Variants in DOCK5 observed in about 807,000 individuals in gnomAD.
DOCK5 encodes dedicator of cytokinesis protein 5.
A neutral mutation model predicts 251.8 loss-of-function variants in DOCK5; 142 were observed. That is an observed-to-expected ratio of 0.56 (90% CI 0.49 to 0.65). DOCK5 has a LOEUF of 0.65. DOCK5 is among the 30% of genes least tolerant of loss of function. DOCK5 has a pLI of 0.00. For missense variants in DOCK5, 2,111 were observed against 2,312.3 expected (o/e 0.91, Z 1.79); for synonymous variants, 842 against 835.5 (o/e 1.01, Z -0.13).
Position 25,357,983 on chromosome 8 carries a change from TA to T in DOCK5, c.2851-978del, listed in dbSNP as rs148457422. 7.9e-3 allele frequency among the ~76,000 whole-genome samples: 1,205 copies of T among 152,264 alleles called. 10 individuals are homozygous for T. The highest frequency in any genetic ancestry group is 0.027 in the African/African-American group (1,123 of 41,556). ...CTGAACTCACAAATGGAAGCAGTGT[TA>T]ATGAATCATCTAGTTATTGATTTTT... On this transcript the variant is annotated intron_variant, in intron 27 of 51. Transcript: ENST00000276440.
intron 33 of DOCK5, 129 bp downstream of exon 33, chr8:25,368,854 A>G (rs973928646): frequency 3.2e-5 from 35 of 1,095,362 alleles, no homozygotes; most frequent in Non-Finnish European, 4.1e-5. Flanking sequence ...TTCACTTTAC[A>G]TTTCATTTTA....
intron 11 of DOCK5, among the ~76,000 whole-genome samples, chr8:25,305,898 T>G (rs754517559): frequency 2.0e-5 from 3 of 152,158 alleles, no homozygotes; most frequent in Non-Finnish European, 4.4e-5. Flanking sequence ...GTGATTTTGC[T>G]CCTGTTTTTG....
intron 1 of DOCK5, among the ~76,000 whole-genome samples, chr8:25,230,526 T>C (rs1164116794): frequency 1.3e-5 from 2 of 152,212 alleles, no homozygotes; most frequent in African/African-American, 2.4e-5. Flanking sequence ...CTGGTTTTTG[T>C]TGTTTTAATT....
intron 7 of DOCK5, 61 bp downstream of exon 7, chr8:25,296,709 A>G (rs758080324): frequency 1.9e-6 from 3 of 1,588,758 alleles, no homozygotes; most frequent in African/African-American, 1.3e-5. Flanking sequence ...TTGGTTTTTA[A>G]TGAAAGAAAG....
At chr8:25,220,638 G>A (rs1337429582) in intron 1 of DOCK5, among the ~76,000 whole-genome samples, 1 of 152,142 alleles carries the variant, frequency 6.6e-6, no homozygotes, top group African/African-American at 2.4e-5. Context: ...TTGAGACAGA[G>A]CCTTGCTGTG....
chr8:25,320,670 A>G (rs985613034), intron 15 of DOCK5, among the ~76,000 whole-genome samples: 6 of 152,216 alleles, frequency 3.9e-5, no homozygotes, highest in Admixed American at 3.9e-4. Context: ...CACATCTTGC[A>G]GTCTGAAAGA....
At chr8:25,292,982 A>G (rs1804533499) in intron 6 of DOCK5, among the ~76,000 whole-genome samples, 1 of 152,178 alleles carries the variant, frequency 6.6e-6, no homozygotes, top group Admixed American at 6.5e-5. Flanking sequence ...TCACCTCTAC[A>G]GAGTTAATCA....
chr8:25,338,973 A>G (rs1394785066), intron 22 of DOCK5, among the ~76,000 whole-genome samples: 1 of 152,230 alleles, frequency 6.6e-6, no homozygotes, highest in Non-Finnish European at 1.5e-5. Context: ...CAGAGGACCC[A>G]TGAAATTGAC....
intron 2 of DOCK5, among the ~76,000 whole-genome samples, chr8:25,254,348 A>G (rs1803354342): frequency 6.6e-6 from 1 of 152,216 alleles, no homozygotes; most frequent in South Asian, 2.1e-4. Flanking sequence ...TTTAGATATA[A>G]CACTGAAAAC....
rs572672389 is a variant in DOCK5, at chr8:25,226,532, C to T, written c.44-17142C>T. The stretch of plus-strand genomic sequence containing the variant: ...GCCCGTCTAGGCCTGGGATTACAGG[C>T]GCAAGCCACCATGCCTGACGTTACC... On this transcript the variant is annotated intron_variant, in intron 1 of 51. Transcript: ENST00000276440. Among the ~76,000 whole-genome samples the T allele has an allele frequency of 1.2e-3, 189 of 151,860 alleles. 1 individual carries two copies. The highest frequency in any genetic ancestry group is 4.2e-3 in the African/African-American group (175 of 41,436).
intron 26 of DOCK5, among the ~76,000 whole-genome samples, chr8:25,348,796 C>T (rs948541316): frequency 2.4e-4 from 37 of 151,522 alleles, no homozygotes; most frequent in Non-Finnish European, 8.8e-5. Context: ...CAAGATCACA[C>T]CACTGCACTC....
chr8:25,242,871 C>T (rs1802990452), intron 1 of DOCK5, among the ~76,000 whole-genome samples: 1 of 152,156 alleles, frequency 6.6e-6, no homozygotes, highest in Non-Finnish European at 1.5e-5. Context: ...GGATGGGCCT[C>T]ACAGGTGGCC....
chr8:25,343,316 ACTTTT>A (rs973029126), intron 25 of DOCK5, among the ~76,000 whole-genome samples: 1 of 152,078 alleles, frequency 6.6e-6, no homozygotes, highest in African/African-American at 2.4e-5. Flanking sequence ...TCAGCACTTG[ACTTTT>A]CTTTTTTAAA....
At chr8:25,225,713 A>T (rs1802515199) in intron 1 of DOCK5, among the ~76,000 whole-genome samples, 1 of 152,096 alleles carries the variant, frequency 6.6e-6, no homozygotes, top group Non-Finnish European at 1.5e-5. Context: ...CTCAAAAAAA[A>T]AAAAAAAAGG....
At chr8:25,364,587 A>G (rs539775079) in intron 29 of DOCK5, 39 bp from the exon 30 acceptor site, 11 of 1,471,246 alleles carry the variant, frequency 7.5e-6, no homozygotes, top group East Asian at 2.4e-5. Context: ...TTCAAAGGAC[A>G]TACAGTTGGC....
intron 39 of DOCK5, 35 bp from the exon 40 acceptor site, chr8:25,382,639 A>G (rs1264098273): frequency 2.0e-6 from 3 of 1,528,280 alleles, no homozygotes; most frequent in Admixed American, 1.9e-5. Context: ...GTGTACTTAT[A>G]ACCTCCCCTT....
At chr8:25,258,556 G>A (rs11135858) in intron 2 of DOCK5, among the ~76,000 whole-genome samples, 25,506 of 152,016 alleles carry the variant, frequency 0.17, 2,358 homozygotes, top group Admixed American at 0.25. Context: ...GGGCATTCTG[G>A]CCGTGTAGGC....
intron 26 of DOCK5, among the ~76,000 whole-genome samples, chr8:25,350,894 A>C (rs912585215): frequency 6.6e-6 from 1 of 152,108 alleles, no homozygotes; most frequent in African/African-American, 2.4e-5. Context: ...AGGGCTTCAC[A>C]TATGAATCTG....
At chr8:25,359,975 C>T (rs1338946959) in intron 28 of DOCK5, among the ~76,000 whole-genome samples, 1 of 152,234 alleles carries the variant, frequency 6.6e-6, no homozygotes, top group African/African-American at 2.4e-5. Context: ...CTTCAGACGT[C>T]CATGAAGGTG....
Sources: allele counts gnomAD v4.1 joint callset (sites outside exome capture counted in the v4.1 genomes callset), GRCh38; gene constraint gnomAD v4.1.1; transcripts MANE v1.5; gene names NCBI Gene and HGNC (gene_info 2026-07-23, HGNC 2026-07-21).